The following RANBP2 variants were observed in gnomAD, a reference collection of about 807,000 sequenced individuals.
RANBP2 encodes E3 SUMO-protein ligase RanBP2.
A neutral mutation model predicts 303.6 loss-of-function variants in RANBP2; 57 were observed. The observed-to-expected ratio is 0.19, with a 90% CI of 0.15 to 0.23. The LOEUF (loss-of-function observed/expected upper bound fraction) is 0.23, where lower values mean the gene tolerates loss of function less well. Among genes scored for constraint, RANBP2 ranks in the 10% least tolerant of loss-of-function variants. The pLI, the probability that RANBP2 is intolerant of heterozygous loss-of-function variation, is 1.00. For synonymous variants in RANBP2, 1,167 were observed against 1,301.5 expected (o/e 0.90, Z 2.23); for missense variants, 3,138 against 3,780.8 (o/e 0.83, Z 4.46).
the RANBP2 span, among the ~76,000 whole-genome samples, chr2:109,284,980 C>G: frequency 6.6e-6 from 1 of 152,362 alleles, no homozygotes; most frequent in South Asian, 2.1e-4. Context: ...GAAGTGAAGT[C>G]AATGTGGGGA....
At chr2:108,768,470 A>T in intron 20 of RANBP2, 82 bp downstream of exon 20, 1 of 1,600,836 alleles carries the variant, frequency 6.2e-7, no homozygotes, top group Non-Finnish European at 8.5e-7. Flanking sequence ...GTAGGATACT[A>T]ATGTTGGGAT....
the RANBP2 span, among the ~76,000 whole-genome samples, chr2:108,881,827 C>T: frequency 6.6e-6 from 1 of 152,082 alleles, no homozygotes; most frequent in Non-Finnish European, 1.5e-5. Context: ...TCTTGGCATC[C>T]TGAAACAATT....
At chr2:109,198,530 C>T in the RANBP2 span, among the ~76,000 whole-genome samples, 1 of 152,282 alleles carries the variant, frequency 6.6e-6, no homozygotes, top group Non-Finnish European at 1.5e-5. Flanking sequence ...AAACAGCAGA[C>T]ATCGATTTCT....
intron 7 of RANBP2, among the ~76,000 whole-genome samples, chr2:108,741,798 C>T (rs997222468): frequency 1.4e-5 from 2 of 143,820 alleles, no homozygotes; most frequent in African/African-American, 5.3e-5. Flanking sequence ...AGGCGTGAGC[C>T]ACCACACCCA....
chr2:109,214,037 T>C, the RANBP2 span, among the ~76,000 whole-genome samples: 3 of 151,834 alleles, frequency 2.0e-5, no homozygotes, highest in African/African-American at 7.3e-5. Context: ...AGCCCTGCAG[T>C]TCTGGTTGGA....
At chr2:109,425,435 A>G in the RANBP2 span, among the ~76,000 whole-genome samples, 1 of 152,230 alleles carries the variant, frequency 6.6e-6, no homozygotes, top group African/African-American at 2.4e-5. Flanking sequence ...TAGGACTTTC[A>G]TAGCTAGAGA....
the RANBP2 span, among the ~76,000 whole-genome samples, chr2:109,629,345 ATATATATATATTTT>A: frequency 3.0e-3 from 20 of 6,608 alleles, no homozygotes; most frequent in Non-Finnish European, 4.8e-3. Flanking sequence ...ATATATATAT[ATATATATATATTTT>A]TTTTTTTTTT....
the RANBP2 span, among the ~76,000 whole-genome samples, chr2:108,886,789 A>T: frequency 0.91 from 138,887 of 152,224 alleles, 63,431 homozygotes; most frequent in East Asian, 1. Context: ...GTATTCAGAA[A>T]ATTAGTCCCC....
chr2:109,355,057 AC>A, the RANBP2 span, among the ~76,000 whole-genome samples: 1 of 152,222 alleles, frequency 6.6e-6, no homozygotes, highest in Non-Finnish European at 1.5e-5. Flanking sequence ...CTTTAGGACC[AC>A]CCTGAGACCA....
At chr2:109,724,726 C>T in the RANBP2 span, among the ~76,000 whole-genome samples, 3 of 152,116 alleles carry the variant, frequency 2.0e-5, no homozygotes, top group African/African-American at 7.2e-5. Flanking sequence ...GCTTTTGCAC[C>T]CCTCCTCCCA....
At chr2:109,554,233 AT>A in the RANBP2 span, among the ~76,000 whole-genome samples, 1 of 152,142 alleles carries the variant, frequency 6.6e-6, no homozygotes, top group Non-Finnish European at 1.5e-5. Flanking sequence ...CAAAGGGAAA[AT>A]TGTAAAGATC....
At chr2:109,042,577 G>T in the RANBP2 span, among the ~76,000 whole-genome samples, 1 of 152,148 alleles carries the variant, frequency 6.6e-6, no homozygotes. Flanking sequence ...AGCAAGAACA[G>T]TTCTAAAGGC....
chr2:109,727,092 A>G, the RANBP2 span, among the ~76,000 whole-genome samples: 1 of 152,176 alleles, frequency 6.6e-6, no homozygotes, highest in East Asian at 1.9e-4. Context: ...ACTGTGCATC[A>G]CCTTCACGGT....
the RANBP2 span, among the ~76,000 whole-genome samples, chr2:109,417,587 C>G: frequency 6.6e-6 from 1 of 152,172 alleles, no homozygotes; most frequent in African/African-American, 2.4e-5. Context: ...ACACCTGGCT[C>G]TCTCAGGATC....
chr2:109,412,167 T>C, the RANBP2 span, among the ~76,000 whole-genome samples: 1 of 152,264 alleles, frequency 6.6e-6, no homozygotes, highest in Non-Finnish European at 1.5e-5. Flanking sequence ...TGGTCCACGA[T>C]GCGTGTGCTC....
chr2:108,812,883 A>G, the RANBP2 span: 1 of 1,613,804 alleles, frequency 6.2e-7, no homozygotes, highest in Non-Finnish European at 8.5e-7. Context: ...TCATGAAATG[A>G]AAAGTTTAAA....
chr2:108,987,146 T>C, the RANBP2 span, among the ~76,000 whole-genome samples: 1 of 152,240 alleles, frequency 6.6e-6, no homozygotes, highest in Admixed American at 6.5e-5. Context: ...CTCCTGTATT[T>C]GAATTTCAGA....
chr2:108,780,403 C>T (rs1335081133), intron 25 of RANBP2, among the ~76,000 whole-genome samples: 16 of 139,320 alleles, frequency 1.1e-4, no homozygotes, highest in Admixed American at 3.7e-4. Context: ...CTTGCTCTGT[C>T]GTCCAGGCTG....
the RANBP2 span, chr2:108,929,179 C>T: frequency 3.5e-5 from 57 of 1,613,536 alleles, no homozygotes; most frequent in Non-Finnish European, 1.7e-6. Context: ...CAGGGTTTGC[C>T]AGGAGGGCCT....
Sources: gnomAD v4.1 joint callset for allele counts (sites outside exome capture counted in the v4.1 genomes callset) on GRCh38, gnomAD v4.1.1 for gene constraint, MANE v1.5 for transcripts, NCBI Gene and HGNC (gene_info 2026-07-23, HGNC 2026-07-21) for gene names.